Variants in DCC observed in about 807,000 individuals in gnomAD.
DCC encodes netrin receptor DCC.
In DCC, 58 loss-of-function variants were observed where a neutral mutation model predicts 172.5. The observed-to-expected ratio is 0.34, with a 90% CI of 0.27 to 0.42. The LOEUF is 0.42. DCC is among the 10% of genes least tolerant of loss of function. The pLI, the probability that DCC is intolerant of heterozygous loss-of-function variation, is 1.00. For synonymous variants in DCC, 709 were observed against 644.5 expected (o/e 1.10, Z -1.52); for missense variants, 1,740 against 1,791.0 (o/e 0.97, Z 0.51).
At chr18:52,433,341 T>C (rs867388484) in intron 1 of DCC, among the ~76,000 whole-genome samples, 1 of 152,188 alleles carries the variant, frequency 6.6e-6, no homozygotes, top group African/African-American at 2.4e-5. Context: ...ATTCGTTCAT[T>C]TGAATATCAT....
intron 11 of DCC, among the ~76,000 whole-genome samples, chr18:53,213,648 A>C (rs1207565658): frequency 4.0e-5 from 3 of 74,738 alleles, no homozygotes; most frequent in Non-Finnish European, 6.6e-5. Flanking sequence ...ACTCCGTCTC[A>C]AAAAAAAAAA....
At chr18:52,666,543 G>C (rs2035461611) in intron 1 of DCC, among the ~76,000 whole-genome samples, 1 of 152,154 alleles carries the variant, frequency 6.6e-6, no homozygotes, top group Non-Finnish European at 1.5e-5. Flanking sequence ...AAATGCTACA[G>C]AGAGAAAAAT....
At chr18:52,504,227 C>T (rs982166952) in intron 1 of DCC, among the ~76,000 whole-genome samples, 1 of 152,090 alleles carries the variant, frequency 6.6e-6, no homozygotes, top group Non-Finnish European at 1.5e-5. Context: ...TCATGGTCTT[C>T]CCCCACCAAT....
At chr18:52,732,729 T>A (rs752154168) in intron 1 of DCC, among the ~76,000 whole-genome samples, 1 of 152,202 alleles carries the variant, frequency 6.6e-6, no homozygotes, top group Non-Finnish European at 1.5e-5. Context: ...GGGCAAATTA[T>A]AATTTGTCAC....
At chr18:53,026,124 C>T (rs1226073251) in intron 5 of DCC, among the ~76,000 whole-genome samples, 1 of 151,896 alleles carries the variant, frequency 6.6e-6, no homozygotes, top group Non-Finnish European at 1.5e-5. Context: ...TCCTCCCCTA[C>T]TCCATAAGTC....
intron 2 of DCC, among the ~76,000 whole-genome samples, chr18:52,787,379 C>A (rs917374457): frequency 3.9e-5 from 6 of 152,050 alleles, no homozygotes; most frequent in African/African-American, 1.4e-4. Context: ...AGCAAGGTGA[C>A]AATTGTCTGC....
chr18:52,660,764 A>G (rs898887226), intron 1 of DCC, among the ~76,000 whole-genome samples: 1 of 152,192 alleles, frequency 6.6e-6, no homozygotes, highest in Non-Finnish European at 1.5e-5. Context: ...GGCATATGTA[A>G]GAATCAAATT....
intron 27 of DCC, among the ~76,000 whole-genome samples, chr18:53,524,484 C>T (rs1235992034): frequency 6.6e-6 from 1 of 151,924 alleles, no homozygotes; most frequent in Non-Finnish European, 1.5e-5. Context: ...TTCTGTTTAA[C>T]TTTAAATGTG....
At chr18:53,130,010 T>G (rs1206770441) in intron 7 of DCC, among the ~76,000 whole-genome samples, 1 of 152,154 alleles carries the variant, frequency 6.6e-6, no homozygotes, top group African/African-American at 2.4e-5. Flanking sequence ...CAATATTTAG[T>G]GTTGGATTTT....
chr18:53,229,417 A>G (rs2056088481), intron 12 of DCC, among the ~76,000 whole-genome samples: 1 of 152,176 alleles, frequency 6.6e-6, no homozygotes, highest in African/African-American at 2.4e-5. Flanking sequence ...AACAAATTAT[A>G]TTAAAGGCAA....
intron 2 of DCC, among the ~76,000 whole-genome samples, chr18:52,811,361 G>A (rs1211301688): frequency 6.6e-6 from 1 of 152,188 alleles, no homozygotes; most frequent in African/African-American, 2.4e-5. Context: ...GGTTAACTAT[G>A]AGGATGAGCT....
At chr18:53,413,243 G>A (rs945927184) in intron 20 of DCC, among the ~76,000 whole-genome samples, 1 of 152,140 alleles carries the variant, frequency 6.6e-6, no homozygotes, top group Non-Finnish European at 1.5e-5. Flanking sequence ...ATAGAGTACA[G>A]TAAATTCTCT....
chr18:53,182,315 T>C (rs959851506), intron 9 of DCC, among the ~76,000 whole-genome samples: 2 of 152,170 alleles, frequency 1.3e-5, no homozygotes, highest in African/African-American at 2.4e-5. Flanking sequence ...AGTAACAGCA[T>C]TGTTCTATTA....
At chr18:53,269,173 T>A (rs2144701892) in intron 12 of DCC, among the ~76,000 whole-genome samples, 1 of 152,292 alleles carries the variant, frequency 6.6e-6, no homozygotes, top group Non-Finnish European at 1.5e-5. Context: ...ATTTTTCTTT[T>A]AGCTTGCTTG....
intron 15 of DCC, among the ~76,000 whole-genome samples, chr18:53,347,835 A>T (rs767299583): frequency 6.6e-6 from 1 of 152,142 alleles, no homozygotes; most frequent in South Asian, 2.1e-4. Context: ...CCTTTAAAAA[A>T]CCATGAGATC....
At chr18:52,903,238 C>A (rs1470181843) in intron 2 of DCC, among the ~76,000 whole-genome samples, 1 of 152,206 alleles carries the variant, frequency 6.6e-6, no homozygotes, top group Non-Finnish European at 1.5e-5. Flanking sequence ...CAGGTTCTCA[C>A]TCTCTTGCCC....
chr18:53,020,149 C>G (rs544322754), intron 5 of DCC, among the ~76,000 whole-genome samples: 1 of 152,228 alleles, frequency 6.6e-6, no homozygotes, highest in African/African-American at 2.4e-5. Flanking sequence ...GCTAACCCTT[C>G]TACCTTTTAA....
chr18:52,731,982 G>A (rs552537447), intron 1 of DCC, among the ~76,000 whole-genome samples: 3 of 152,004 alleles, frequency 2.0e-5, no homozygotes, highest in Non-Finnish European at 4.4e-5. Flanking sequence ...ATCTTTTTAC[G>A]GCTTTCTATA....
At chr18:52,993,933 C>T (rs1483217065) in intron 5 of DCC, among the ~76,000 whole-genome samples, 1 of 151,842 alleles carries the variant, frequency 6.6e-6, no homozygotes, top group African/African-American at 2.4e-5. Context: ...TTTTTAAGCA[C>T]CATAGCTTAT....
Sources: gnomAD v4.1 joint callset for allele counts (sites outside exome capture counted in the v4.1 genomes callset) on GRCh38, gnomAD v4.1.1 for gene constraint, MANE v1.5 for transcripts, NCBI Gene and HGNC (gene_info 2026-07-23, HGNC 2026-07-21) for gene names.